Variants in B9D1 observed in about 807,000 individuals in gnomAD.
B9D1 encodes the protein B9 domain containing 1.
Under a neutral mutation model 26.1 loss-of-function variants are expected in B9D1, and 20 were observed. The observed-to-expected ratio is 0.77, with a 90% CI of 0.54 to 1.12. B9D1 has a LOEUF of 1.12. Among genes scored for constraint, B9D1 ranks in the 50% most tolerant of loss-of-function variants. The pLI, the probability that B9D1 is intolerant of heterozygous loss-of-function variation, is 0.00. For synonymous variants in B9D1, 105 were observed against 103.1 expected (o/e 1.02, Z -0.11); for missense variants, 260 against 273.7 (o/e 0.95, Z 0.35).
At chr17:19,367,661 T>C (rs1298516474), upstream of B9D1, among the ~76,000 whole-genome samples, 1 of 152,240 alleles carries the variant, frequency 6.6e-6, no homozygotes, top group Non-Finnish European at 1.5e-5. Flanking sequence ...GTATATCACC[T>C]TGTCTTTGCA....
chr17:19,341,533 G>A (rs1306203732), downstream of B9D1, among the ~76,000 whole-genome samples: 1 of 152,244 alleles, frequency 6.6e-6, no homozygotes, highest in African/African-American at 2.4e-5. Flanking sequence ...GGTAGGGTAA[G>A]GAAGGCAGCT....
chr17:19,371,957 CAGAG>C (rs1489964060), intron 1 of B9D1, among the ~76,000 whole-genome samples: 1 of 152,164 alleles, frequency 6.6e-6, no homozygotes, highest in East Asian at 1.9e-4. Context: ...TGGCACTAAT[CAGAG>C]AGCTGTGTGT....
Position 19,359,712 on chromosome 17 carries a change from C to T in B9D1, c.132+608G>A, listed in dbSNP as rs1910799883. On this transcript the variant is annotated intron_variant, in intron 2 of 6. Transcript: ENST00000261499. The surrounding 1 kb of genome is among the most constrained non-coding windows in gnomAD (Gnocchi z 5.0). ...TGCTCACCCCTGCATCCCCAGCACC[C>T]AGAAGACAATCAATAAAGGGAAAAG... 6.6e-6 allele frequency among the ~76,000 whole-genome samples: 1 copy of T among 152,170 alleles called. No homozygotes were observed. The highest frequency in any genetic ancestry group is 2.1e-4 in the South Asian group (1 of 4,828).
At chr17:19,366,717 G>A (rs912352744), upstream of B9D1, among the ~76,000 whole-genome samples, 27 of 152,220 alleles carry the variant, frequency 1.8e-4, no homozygotes, top group African/African-American at 6.0e-4. Flanking sequence ...GCTCTTCAGC[G>A]GAGGGGCCAC....
rs758466581 is a variant in B9D1 at position 19,343,350 on chromosome 17, C to A, written c.584G>T (p.Gly195Val). Residue 195 changes from glycine to valine, a missense_variant, in exon 7 of 7, where the codon GGG becomes GTG. Physicochemically the swap from Gly to Val is moderately radical, Grantham distance 109. Coordinates refer to ENST00000261499, the MANE Select transcript of B9D1 (RefSeq NM_015681.6). ...TGPSDTQGVL[G>V]PSPPQSFPQ ...GGGGAAGCTCTGGGGTGGGCTGGGCCCCAACACACCCTGTGTATCAGAAGG... is the reference window on the plus strand; with the variant it reads ...GGGGAAGCTCTGGGGTGGGCTGGGCACCAACACACCCTGTGTATCAGAAGG... 47 of 1,614,140 alleles carry A rather than the reference C, an allele frequency of 2.9e-5. 1 individual carries two copies. The South Asian group carries it at 3.6e-4, about 12-fold the overall frequency.
At chr17:19,346,205 C>T (rs2152258454) in intron 5 of B9D1, among the ~76,000 whole-genome samples, 1 of 152,342 alleles carries the variant, frequency 6.6e-6, no homozygotes, top group African/African-American at 2.4e-5. Context: ...TGGCCCAGGT[C>T]ATCTGGGAAA....
In B9D1 at chr17:19,347,031, C is replaced by A; in HGVS notation, c.404+238G>T. 1 of 1,546,860 alleles carries A rather than the reference C, an allele frequency of 6.5e-7. No individual in the cohort carries two copies. Among genetic ancestry groups the A allele is most frequent in the South Asian group, 1.2e-5 (1 of 83,626 alleles). The stretch of plus-strand genomic sequence containing the variant: ...GACAAGAGTTTTTCCTCTGCTCCCT[C>A]AGACACAAAGATTTTTCACAGGGCA... On this transcript the variant is annotated intron_variant, in intron 5 of 6. Transcript: ENST00000261499. This position sits in a 1 kb window ranked among gnomAD's most constrained non-coding sequence, Gnocchi z 4.3.
At chr17:19,375,365 T>G (rs1912057664) in intron 1 of B9D1, among the ~76,000 whole-genome samples, 1 of 151,388 alleles carries the variant, frequency 6.6e-6, no homozygotes, top group Non-Finnish European at 1.5e-5. Context: ...AAATGGCCAA[T>G]AAACCGTGAA....
downstream of B9D1, among the ~76,000 whole-genome samples, chr17:19,342,494 G>A (rs572546008): frequency 4.9e-4 from 74 of 152,276 alleles, no homozygotes; most frequent in African/African-American, 1.8e-3. Context: ...AAAGCTCAGT[G>A]GCAGGGCAGA....
rs1911297725 is a variant in B9D1 at position 19,362,698 on chromosome 17, G to T, written c.-129C>A. On this transcript the variant is annotated 5_prime_UTR_variant, in exon 1 of 7. Coordinates refer to ENST00000261499, the MANE Select transcript of B9D1 (RefSeq NM_015681.6). ...TCTTGGCAGCGACACCTTCGCGAAG[G>T]CCACGCGAGTGCGCGTGTGGCATGC... is the stretch of plus-strand genomic sequence containing the variant. 3 of 1,526,808 alleles carry T rather than the reference G, an allele frequency of 2.0e-6. No homozygotes were observed. Among genetic ancestry groups the T allele is most frequent in the East Asian group, 2.5e-5 (1 of 40,054 alleles). 94.6% of individuals were successfully genotyped at this position (1,526,808 alleles called of 1,614,324 possible).
At chr17:19,338,694 G>C (rs1186912813), downstream of B9D1, among the ~76,000 whole-genome samples, 2 of 152,184 alleles carry the variant, frequency 1.3e-5, no homozygotes, top group Non-Finnish European at 1.5e-5. Flanking sequence ...CGTACTATGA[G>C]AACTTCAAAC....
intron 3 of B9D1, among the ~76,000 whole-genome samples, chr17:19,356,592 C>T (rs184713369): frequency 1.3e-4 from 20 of 152,318 alleles, no homozygotes; most frequent in Admixed American, 1.3e-3. Context: ...GCCCTCCTCC[C>T]AACCCCTTGG....
At chr17:19,360,553 G>A (rs1910917625) in intron 1 of B9D1, among the ~76,000 whole-genome samples, 165 bp from the exon 2 acceptor site, 1 of 152,178 alleles carries the variant, frequency 6.6e-6, no homozygotes, top group Admixed American at 6.5e-5. Context: ...CCAAGAAGCG[G>A]GAGTCCACGG....
chr17:19,375,837 C>G (rs1204862456), intron 1 of B9D1, among the ~76,000 whole-genome samples: 2 of 152,198 alleles, frequency 1.3e-5, no homozygotes, highest in Non-Finnish European at 2.9e-5. Context: ...CTGGAGAAAA[C>G]AGCTTGGCAC....
chr17:19,347,253 T>C lies in B9D1; in HGVS notation c.404+16A>G, dbSNP rs1567887399. On this transcript the variant is annotated intron_variant, in intron 5 of 6. Coordinates refer to ENST00000261499, the MANE Select transcript of B9D1 (RefSeq NM_015681.6). This position sits in a 1 kb window ranked among gnomAD's most constrained non-coding sequence, Gnocchi z 4.3. ...AGTAGATCAGGAGGGGCTGGGGTTA[T>C]GGGTACAAAACTCACCTTGTAAACT... The C allele has an allele frequency of 6.2e-7, 1 of 1,614,226 alleles. No homozygotes were observed. Among genetic ancestry groups the C allele is most frequent in the Non-Finnish European group, 8.5e-7 (1 of 1,180,032 alleles).
chr17:19,369,609 G>A (rs550504324), intron 1 of B9D1, among the ~76,000 whole-genome samples: 3 of 152,078 alleles, frequency 2.0e-5, no homozygotes, highest in African/African-American at 7.2e-5. Flanking sequence ...GTGTGGGTGT[G>A]GGGGGAAAGC....
At chr17:19,356,317 C>T (rs1439526640) in intron 3 of B9D1, among the ~76,000 whole-genome samples, 1 of 152,192 alleles carries the variant, frequency 6.6e-6, no homozygotes, top group Non-Finnish European at 1.5e-5. Context: ...GTCTTAAACT[C>T]CTGAGCTCAG....
intron 3 of B9D1, among the ~76,000 whole-genome samples, chr17:19,351,003 T>G (rs1208094989): frequency 6.6e-6 from 1 of 152,062 alleles, no homozygotes; most frequent in Non-Finnish European, 1.5e-5. Context: ...CAAACCCGGC[T>G]AATTTTTGTA....
At position 19,370,829 on chromosome 17, in the gene B9D1, AG is replaced by A. The variant is rs529908558; in HGVS notation, c.-298+7029del. Among the ~76,000 whole-genome samples, 11 of 152,336 alleles carry A rather than the reference AG, an allele frequency of 7.2e-5. No individual in the cohort carries two copies. The South Asian group carries it at 2.3e-3, about 32-fold the overall frequency. On this transcript the variant is annotated intron_variant, in intron 1 of 5. Coordinates refer to the B9D1 transcript ENST00000477478. This position sits in a 1 kb window ranked among gnomAD's most constrained non-coding sequence, Gnocchi z 5.1. ...CACACTCAGCTCATAGGCTGGCCTC[AG>A]GGGCAGTCCCTTTCCCACGGGGAGG...
Sources: allele counts gnomAD v4.1 joint callset (sites outside exome capture counted in the v4.1 genomes callset), GRCh38; gene constraint gnomAD v4.1.1; non-coding constraint Gnocchi (gnomAD v3.1); transcripts MANE v1.5; gene names NCBI Gene and HGNC (gene_info 2026-07-23, HGNC 2026-07-21).